Variants in DMD observed in about 807,000 individuals in gnomAD.
The protein encoded by DMD is mutant dystrophin.
In DMD, 63 loss-of-function variants were observed where a neutral mutation model predicts 330.1. The observed-to-expected ratio is 0.19, with a 90% CI of 0.16 to 0.24. The LOEUF is 0.24. Among genes scored for constraint, DMD ranks in the 10% least tolerant of loss-of-function variants. The pLI, the probability that DMD is intolerant of heterozygous loss-of-function variation, is 1.00. For missense variants in DMD, 3,344 were observed against 2,684.1 expected (o/e 1.25, Z -5.43); for synonymous variants, 1,223 against 959.8 (o/e 1.27, Z -5.07).
intron 9 of DMD, among the ~76,000 whole-genome samples, chrX:32,650,049 C>G (rs1030831881): frequency 9.0e-6 from 1 of 110,815 alleles, no homozygotes; most frequent in African/African-American, 3.3e-5. Flanking sequence ...CTGTGTGTTT[C>G]TGGAAGCATG....
At chrX:33,313,841 T>C (rs979899040) in intron 1 of DMD, among the ~76,000 whole-genome samples, 6 of 111,516 alleles carry the variant, frequency 5.4e-5, no homozygotes, top group African/African-American at 2.0e-4. Context: ...AACCTGTTCA[T>C]CAATATAATC....
chrX:31,591,161 T>C (rs2076853353), intron 55 of DMD, among the ~76,000 whole-genome samples: 1 of 112,180 alleles, frequency 8.9e-6, no homozygotes, highest in African/African-American at 3.2e-5. Context: ...TTGGGTTATA[T>C]ACAACATACT....
intron 53 of DMD, among the ~76,000 whole-genome samples, chrX:31,676,062 G>C (rs965836780): frequency 2.7e-5 from 3 of 112,112 alleles, no homozygotes; most frequent in Non-Finnish European, 5.6e-5. Context: ...GTGAGAGTTA[G>C]TGTAGTCATC....
chrX:33,087,025 T>C (rs1356647757), intron 1 of DMD, among the ~76,000 whole-genome samples: 1 of 111,354 alleles, frequency 9.0e-6, no homozygotes, highest in Non-Finnish European at 1.9e-5. Flanking sequence ...TTATGTTTGT[T>C]GCCAGGAAAC....
chrX:32,595,769 T>C lies in DMD; in HGVS notation c.1590A>G (p.Glu530=). ...SSGDHATAAL[E]EQLKVLGDRW... is the part of the protein sequence containing the mutation. The stretch of plus-strand genomic sequence containing the variant: ...AAAATAATCTGACCTTAAGTTGTTC[T>C]TCCAAAGCAGCAGTTGCGTGATCTC... Residue 530 remains glutamate (E), a synonymous_variant, in exon 13 of 79, where the codon GAA becomes GAG. Coordinates refer to ENST00000357033, the MANE Select transcript of DMD (RefSeq NM_004006.3). 1 of 1,211,197 alleles carries C rather than the reference T, an allele frequency of 8.3e-7. No homozygotes were observed. The highest frequency in any genetic ancestry group is 1.1e-6 in the Non-Finnish European group (1 of 894,858).
At chrX:32,714,142 G>A (rs1032763963) in intron 7 of DMD, among the ~76,000 whole-genome samples, 1 of 111,649 alleles carries the variant, frequency 9.0e-6, no homozygotes, top group African/African-American at 3.3e-5. Flanking sequence ...ACCATCTTAA[G>A]TCAGGGACCA....
chrX:32,554,882 A>G (rs868296816), intron 16 of DMD, among the ~76,000 whole-genome samples: 3 of 13,087 alleles, frequency 2.3e-4, no homozygotes, highest in African/African-American at 8.8e-4. Context: ...AGGAAAGAAG[A>G]AAGAAAGAAA....
At chrX:32,728,059 A>G (rs952258409) in intron 7 of DMD, among the ~76,000 whole-genome samples, 1 of 111,553 alleles carries the variant, frequency 9.0e-6, no homozygotes, top group African/African-American at 3.3e-5. Context: ...GACACTCCTC[A>G]GTTAGGCAGG....
At chrX:32,458,014 G>C (rs1211400066) in intron 25 of DMD, among the ~76,000 whole-genome samples, 1 of 110,828 alleles carries the variant, frequency 9.0e-6, no homozygotes, top group Non-Finnish European at 1.9e-5. Context: ...ATCTAGGTTA[G>C]ATGAGGCTCT....
chrX:32,643,758 A>G (rs1186250775), intron 11 of DMD, among the ~76,000 whole-genome samples: 1 of 111,751 alleles, frequency 8.9e-6, no homozygotes, highest in Non-Finnish European at 1.9e-5. Flanking sequence ...TCTTCAGAAG[A>G]GAAGTTTCGT....
intron 21 of DMD, among the ~76,000 whole-genome samples, chrX:32,477,300 T>TA (rs764046645): frequency 0.021 from 2,169 of 104,098 alleles, 56 homozygotes; most frequent in African/African-American, 0.07. Flanking sequence ...TCTTGAAAAG[T>TA]AAAAAAAAAA....
intron 60 of DMD, among the ~76,000 whole-genome samples, chrX:31,401,283 T>C (rs1187871354): frequency 8.9e-6 from 1 of 112,022 alleles, no homozygotes; most frequent in African/African-American, 3.2e-5. Context: ...AGGTTTCCTG[T>C]TGCTTTAAAA....
At chrX:32,459,142 A>G (rs777200561) in intron 25 of DMD, among the ~76,000 whole-genome samples, 10 of 111,223 alleles carry the variant, frequency 9.0e-5, no homozygotes, top group Non-Finnish European at 1.7e-4. Flanking sequence ...TTCCAAGAGG[A>G]TAGATCTTAG....
intron 17 of DMD, among the ~76,000 whole-genome samples, chrX:32,519,358 T>G (rs1392608689): frequency 9.1e-6 from 1 of 109,736 alleles, no homozygotes; most frequent in Non-Finnish European, 1.9e-5. Flanking sequence ...GGAAAGATAT[T>G]GGCAAAAGGA....
At chrX:32,136,779 A>T (rs1487950359) in intron 44 of DMD, among the ~76,000 whole-genome samples, 1 of 109,033 alleles carries the variant, frequency 9.2e-6, no homozygotes, top group Non-Finnish European at 1.9e-5. Context: ...TTCCACTGCC[A>T]CTTAGAAAAT....
intron 44 of DMD, among the ~76,000 whole-genome samples, chrX:32,190,550 T>TTAGATATATATATATA (rs1198323604): frequency 1.1e-4 from 7 of 62,534 alleles, no homozygotes; most frequent in South Asian, 9.5e-4. Context: ...ATTTAAAATT[T>TTAGATATATATATATA]TATATATATA....
chrX:31,765,566 T>C (rs932535599), intron 51 of DMD, among the ~76,000 whole-genome samples: 89 of 112,011 alleles, frequency 7.9e-4, no homozygotes, highest in African/African-American at 2.8e-3. Flanking sequence ...GTATCAAAAG[T>C]AAGCACTTGA....
rs2049898326 is a variant in DMD, at chrX:33,179,940, A to G, written c.31+31342T>C. ...CAACCTCCGTCTCCAGGGTTCAAGC[A>G]ATTCTCCTGCCTCAGCTTCCTGAGT... On this transcript the variant is annotated intron_variant, in intron 1 of 78. Coordinates refer to ENST00000357033, the MANE Select transcript of DMD (RefSeq NM_004006.3). Among the ~76,000 whole-genome samples, 3 of 108,165 alleles carry G rather than the reference A, an allele frequency of 2.8e-5. No individual in the cohort carries two copies. In the South Asian group the frequency reaches 1.3e-3, roughly 45 times the overall value. The allele number at this position is 108,165 out of a possible 115,157, so 93.9% of individuals were successfully genotyped here.
At chrX:31,989,365 G>T (rs1484779894) in intron 44 of DMD, among the ~76,000 whole-genome samples, 1 of 112,130 alleles carries the variant, frequency 8.9e-6, no homozygotes. Context: ...ATAACAATCG[G>T]TTCCAAATTC....
Sources: gnomAD v4.1 joint callset for allele counts (sites outside exome capture counted in the v4.1 genomes callset) on GRCh38, gnomAD v4.1.1 for gene constraint, MANE v1.5 for transcripts, NCBI Gene and HGNC (gene_info 2026-07-23, HGNC 2026-07-21) for gene names.